Variants in CDC42SE2 observed in about 807,000 individuals in gnomAD.
CDC42SE2 encodes CDC42 small effector 2.
A neutral mutation model predicts 11.5 loss-of-function variants in CDC42SE2; 3 were observed. The ratio of observed to expected loss-of-function variants is 0.26; its 90% CI spans 0.12 to 0.67. The LOEUF is 0.67. Ranked by LOEUF, CDC42SE2 falls within the 30% of genes least tolerant of loss-of-function variation. CDC42SE2 has a pLI of 0.80. For synonymous variants in CDC42SE2, 33 were observed against 34.8 expected, an observed-to-expected ratio of 0.95 and a Z score of 0.18; for missense variants, 82 against 106.8, an observed-to-expected ratio of 0.77 and a Z score of 1.02.
At chr5:131,324,643 AT>A (rs1212846235) in intron 2 of CDC42SE2, among the ~76,000 whole-genome samples, 2 of 152,124 alleles carry the variant, frequency 1.3e-5, no homozygotes, top group Non-Finnish European at 2.9e-5. Flanking sequence ...AATAAGACCA[AT>A]ACTTTCTTTG....
At chr5:131,247,545 G>A (rs1756605693) in intron 1 of CDC42SE2, among the ~76,000 whole-genome samples, 2 of 152,226 alleles carry the variant, frequency 1.3e-5, no homozygotes, top group Admixed American at 1.3e-4. Flanking sequence ...CTTGAACCCG[G>A]GAGGTGGAAG....
rs183042086 is a variant in CDC42SE2 at position 131,392,471 on chromosome 5, A to G, written c.*1380A>G. The G allele has an allele frequency of 6.5e-5, 10 of 152,716 alleles. No individual in the cohort carries two copies. The highest frequency in any genetic ancestry group is 1.9e-4 in the African/African-American group (8 of 41,576). 9.5% of individuals were successfully genotyped at this position (152,716 alleles called of 1,614,324 possible). A position where few individuals can be genotyped will look rare whatever the true frequency, so the allele number is the denominator to read the frequency against. The stretch of plus-strand genomic sequence containing the variant: ...TGTGGCACCAAGTCACATCATTTTC[A>G]TAGAAAAAGATTACTTGTAGCTTAT... On this transcript the variant is annotated 3_prime_UTR_variant, in exon 5 of 5. Coordinates refer to ENST00000505065, the MANE Select transcript of CDC42SE2 (RefSeq NM_001375635.1).
chr5:131,364,385 G>T (rs1749794062), intron 3 of CDC42SE2, among the ~76,000 whole-genome samples: 1 of 152,196 alleles, frequency 6.6e-6, no homozygotes, highest in Non-Finnish European at 1.5e-5. Context: ...TTGGGTGTGT[G>T]AGTGGAACAT....
chr5:131,267,121 C>A (rs532670390), intron 1 of CDC42SE2, among the ~76,000 whole-genome samples: 2 of 146,348 alleles, frequency 1.4e-5, no homozygotes, highest in Admixed American at 1.4e-4. Flanking sequence ...GTGGCGCGAT[C>A]TCGGCTCACT....
intron 1 of CDC42SE2, among the ~76,000 whole-genome samples, chr5:131,298,806 A>G (rs1757624488): frequency 2.0e-5 from 3 of 152,106 alleles, no homozygotes; most frequent in South Asian, 4.1e-4. Context: ...CCCAGAATTG[A>G]ATGCCATTTT....
chr5:131,332,799 A>G (rs1204383932), intron 2 of CDC42SE2, among the ~76,000 whole-genome samples: 2 of 152,168 alleles, frequency 1.3e-5, no homozygotes, highest in East Asian at 1.9e-4. Flanking sequence ...TCCTTTGCCC[A>G]CTTTTTGATG....
In CDC42SE2 at chr5:131,364,804, TAGTC is replaced by T. The variant is rs1184165431; in HGVS notation, c.54+5260_54+5263del. The stretch of plus-strand genomic sequence containing the variant: ...TCTGATGTATAGTTTTAACCTATAA[TAGTC>T]AGGGTGGGGGCATGAGGATATGTGC... On this transcript the variant is annotated intron_variant, in intron 3 of 4. Transcript: ENST00000505065. Among the ~76,000 whole-genome samples, 7 of 152,338 alleles carry T rather than the reference TAGTC, an allele frequency of 4.6e-5. No individual in the cohort carries two copies. The South Asian group carries it at 8.3e-4, about 18-fold the overall frequency.
chr5:131,220,009 G>C, the CDC42SE2 span, among the ~76,000 whole-genome samples: 2 of 152,084 alleles, frequency 1.3e-5, no homozygotes, highest in Non-Finnish European at 2.9e-5. Flanking sequence ...ATAAGATTTT[G>C]ATTACTTCTG....
chr5:131,262,681 C>G (rs1418108134), upstream of CDC42SE2, among the ~76,000 whole-genome samples: 1 of 152,132 alleles, frequency 6.6e-6, no homozygotes, highest in Non-Finnish European at 1.5e-5. Context: ...AGTATTTGCA[C>G]ATAACCCACA....
At chr5:131,280,496 G>A (rs1002745634) in intron 1 of CDC42SE2, among the ~76,000 whole-genome samples, 2 of 152,168 alleles carry the variant, frequency 1.3e-5, no homozygotes, top group East Asian at 1.9e-4. Context: ...TCTGTTTGAC[G>A]AGGATAAAGC....
At chr5:131,226,061 A>G in the CDC42SE2 span, among the ~76,000 whole-genome samples, 1 of 152,218 alleles carries the variant, frequency 6.6e-6, no homozygotes, top group Non-Finnish European at 1.5e-5. Flanking sequence ...CTGGAACCGA[A>G]GGATAATTGG....
chr5:131,296,344 C>CCA (rs1302632168), intron 1 of CDC42SE2, among the ~76,000 whole-genome samples: 1 of 152,078 alleles, frequency 6.6e-6, no homozygotes, highest in Non-Finnish European at 1.5e-5. Context: ...CCTGGGTTTG[C>CCA]CACAACAAGG....
At chr5:131,337,431 G>C (rs1213211406) in intron 2 of CDC42SE2, among the ~76,000 whole-genome samples, 2 of 152,212 alleles carry the variant, frequency 1.3e-5, no homozygotes, top group Non-Finnish European at 2.9e-5. Context: ...CCTACTTGAG[G>C]AGGCAGTCTG....
intron 1 of CDC42SE2, among the ~76,000 whole-genome samples, chr5:131,301,289 T>TAGA (rs1252923186): frequency 6.6e-6 from 1 of 152,092 alleles, no homozygotes; most frequent in Non-Finnish European, 1.5e-5. Context: ...AGGATGACTA[T>TAGA]AGTTAATAAC....
intron 1 of CDC42SE2, among the ~76,000 whole-genome samples, chr5:131,307,701 T>A (rs1444471705): frequency 6.6e-6 from 1 of 152,190 alleles, no homozygotes; most frequent in East Asian, 1.9e-4. Context: ...AAAGTGTTCC[T>A]ATTTCTCCAC....
chr5:131,387,322 G>T (rs148640950), intron 4 of CDC42SE2, among the ~76,000 whole-genome samples: 73 of 152,324 alleles, frequency 4.8e-4, no homozygotes, highest in African/African-American at 1.7e-3. Flanking sequence ...GCTGAGGCAG[G>T]TGGATCATCT....
At chr5:131,231,320 A>G in the CDC42SE2 span, among the ~76,000 whole-genome samples, 1 of 152,168 alleles carries the variant, frequency 6.6e-6, no homozygotes, top group Non-Finnish European at 1.5e-5. Context: ...ATATTTTTCT[A>G]GAACATTATC....
the CDC42SE2 span, among the ~76,000 whole-genome samples, chr5:131,224,398 C>T: frequency 6.6e-6 from 1 of 152,160 alleles, no homozygotes; most frequent in Admixed American, 6.5e-5. Flanking sequence ...ATCCTTTCAT[C>T]TGCTCAGGTC....
At position 131,363,233 on chromosome 5, in the gene CDC42SE2, G is replaced by A. The variant is rs562985232; in HGVS notation, c.54+3686G>A. Among the ~76,000 whole-genome samples the A allele has an allele frequency of 3.3e-5, 5 of 149,828 alleles. No homozygotes were observed. The South Asian group carries it at 8.6e-4, about 26-fold the overall frequency. On this transcript the variant is annotated intron_variant, in intron 3 of 4. Coordinates refer to ENST00000505065, the MANE Select transcript of CDC42SE2 (RefSeq NM_001375635.1). Reference sequence around the variant, plus strand: ...ATCAGAATACTGGTCAGCTTCTAAGGTAGCTTTAAAAAACAAGGAACCCTG... The same window carrying A: ...ATCAGAATACTGGTCAGCTTCTAAGATAGCTTTAAAAAACAAGGAACCCTG...
Sources: allele counts gnomAD v4.1 joint callset (sites outside exome capture counted in the v4.1 genomes callset), GRCh38; gene constraint gnomAD v4.1.1; transcripts MANE v1.5; gene names NCBI Gene and HGNC (gene_info 2026-07-23, HGNC 2026-07-21).